The following SIPA1L3 variants were observed in gnomAD, a reference collection of about 807,000 sequenced individuals.
SIPA1L3 encodes the protein signal induced proliferation associated 1 like 3.
A neutral mutation model predicts 150.1 loss-of-function variants in SIPA1L3; 59 were observed. The observed-to-expected ratio is 0.39, with a 90% confidence interval of 0.32 to 0.49. The LOEUF is 0.49. Ranked by LOEUF, SIPA1L3 falls within the 20% of genes least tolerant of loss-of-function variation. The pLI is 0.86. For missense variants in SIPA1L3, 2,211 were observed against 2,489.5 expected (o/e 0.89, Z 2.38); for synonymous variants, 1,070 against 1,077.6 (o/e 0.99, Z 0.14).
chr19:37,914,636 C>CA, intron 1 of SIPA1L3, among the ~76,000 whole-genome samples: 1 of 152,064 alleles, frequency 6.6e-6, no homozygotes, highest in Non-Finnish European at 1.5e-5. Flanking sequence ...TTCAGCCTCC[C>CA]AAAGTGCTGG....
intron 2 of SIPA1L3, among the ~76,000 whole-genome samples, chr19:38,079,407 G>A (rs1055877692): frequency 6.6e-5 from 10 of 152,204 alleles, no homozygotes; most frequent in African/African-American, 2.4e-4. Flanking sequence ...ACATTTGAGT[G>A]GTGGACCTAG....
chr19:38,156,689 G>T (rs376756590), intron 13 of SIPA1L3, among the ~76,000 whole-genome samples: 1 of 152,012 alleles, frequency 6.6e-6, no homozygotes, highest in African/African-American at 2.4e-5. Flanking sequence ...GCTGGGTGTG[G>T]TGGCATGCAC....
At chr19:37,931,800 C>T (rs1323189187) in intron 1 of SIPA1L3, among the ~76,000 whole-genome samples, 1 of 152,022 alleles carries the variant, frequency 6.6e-6, no homozygotes, top group African/African-American at 2.4e-5. Context: ...AAAACTGGAA[C>T]CTTGGAGCTC....
chr19:38,206,369 G>C lies in SIPA1L3; in HGVS notation c.*129G>C, dbSNP rs774544542. On this transcript the variant is annotated 3_prime_UTR_variant, in exon 22 of 22. Coordinates refer to ENST00000222345, the MANE Select transcript of SIPA1L3 (RefSeq NM_015073.3). The stretch of plus-strand genomic sequence containing the variant: ...CATCCAGGGCCCTCCCCATGGACAC[G>C]GAAACTCCGATGGCCTCACTAGGGC... 38 of 1,138,498 alleles carry C rather than the reference G, an allele frequency of 3.3e-5. No homozygotes were observed. The Middle Eastern group carries it at 1.6e-3, about 47-fold the overall frequency. 70.5% of individuals were successfully genotyped at this position (1,138,498 alleles called of 1,614,324 possible).
rs528140802 is a variant in SIPA1L3, at chr19:38,053,048, A to G, written c.-311+23892A>G. Among the ~76,000 whole-genome samples the G allele has an allele frequency of 5.9e-4, 90 of 152,370 alleles. 1 individual carries two copies. Among genetic ancestry groups the G allele is most frequent in the African/African-American group, 1.6e-3 (68 of 41,588 alleles). Reference sequence around the variant, plus strand: ...GTGCCACTGAGCAGCCCAAGCTGGCATTGAGCGGGCAGCTCTGTACTCAGC... The same window carrying G: ...GTGCCACTGAGCAGCCCAAGCTGGCGTTGAGCGGGCAGCTCTGTACTCAGC... On this transcript the variant is annotated intron_variant, in intron 2 of 21. Coordinates refer to ENST00000222345, the MANE Select transcript of SIPA1L3 (RefSeq NM_015073.3).
At chr19:38,140,804 T>TC (rs965426867) in intron 10 of SIPA1L3, among the ~76,000 whole-genome samples, 1 of 152,018 alleles carries the variant, frequency 6.6e-6, no homozygotes, top group African/African-American at 2.4e-5. Context: ...ACTCCTATAA[T>TC]CCCAGCATTT....
chr19:38,051,660 G>A (rs538828452), intron 2 of SIPA1L3, among the ~76,000 whole-genome samples: 15 of 152,220 alleles, frequency 9.9e-5, no homozygotes, highest in African/African-American at 2.9e-4. Context: ...GCAGTGGCTC[G>A]ATCTTAGCTC....
At chr19:38,119,218 C>T (rs967919951) in intron 8 of SIPA1L3, 88 bp from the exon 9 acceptor site, 1 of 1,279,958 alleles carries the variant, frequency 7.8e-7, no homozygotes, top group African/African-American at 1.5e-5. Flanking sequence ...AACAAAAAAC[C>T]CTATTCCTAT....
chr19:38,131,315 T>A (rs1473870177), intron 10 of SIPA1L3, among the ~76,000 whole-genome samples: 3 of 152,156 alleles, frequency 2.0e-5, no homozygotes, highest in African/African-American at 7.2e-5. Flanking sequence ...GAGAGCTGCT[T>A]ACAAGGCGGG....
In SIPA1L3 at chr19:37,931,500, A is replaced by G. The variant is rs186298512; in HGVS notation, c.-379+24142A>G. 6.6e-3 allele frequency among the ~76,000 whole-genome samples: 1,006 copies of G among 151,824 alleles called. 3 individuals are homozygous for G. The highest frequency in any genetic ancestry group is 8.1e-3 in the Non-Finnish European group (550 of 67,908). On this transcript the variant is annotated intron_variant, in intron 1 of 21. Transcript: ENST00000222345. ...GGTGGCTCATGCCTGTAATCCCAGCACTTTGGGAGACCAAGTCAGGTGGAC... is the reference window on the plus strand; with the variant it reads ...GGTGGCTCATGCCTGTAATCCCAGCGCTTTGGGAGACCAAGTCAGGTGGAC...
At position 38,114,353 on chromosome 19, in the gene SIPA1L3, G is replaced by A. The variant is rs192088421; in HGVS notation, c.2291+3969G>A. Among the ~76,000 whole-genome samples the A allele has an allele frequency of 2.6e-3, 401 of 151,480 alleles. 2 individuals carry two copies. The highest frequency in any genetic ancestry group is 4.4e-3 in the Non-Finnish European group (300 of 67,918). On this transcript the variant is annotated intron_variant, in intron 8 of 21. Coordinates refer to ENST00000222345, the MANE Select transcript of SIPA1L3 (RefSeq NM_015073.3). ...CAGGAGAATCGCTTGAACCCAGGAGGTAGAGGTTGCAGTGAGCCGAGATCA... is the reference window on the plus strand; with the variant it reads ...CAGGAGAATCGCTTGAACCCAGGAGATAGAGGTTGCAGTGAGCCGAGATCA...
intron 4 of SIPA1L3, among the ~76,000 whole-genome samples, chr19:38,091,637 G>A (rs867672401): frequency 1.4e-4 from 22 of 152,206 alleles, no homozygotes; most frequent in Admixed American, 1.2e-3. Flanking sequence ...GTGCCTGCCT[G>A]TGTTCTGGCC....
Position 38,130,776 on chromosome 19 carries a change from A to T in SIPA1L3, c.3143+4A>T. 1 of 1,595,406 alleles carries T rather than the reference A, an allele frequency of 6.3e-7. No homozygotes were observed. Among genetic ancestry groups the T allele is most frequent in the Non-Finnish European group, 8.6e-7 (1 of 1,167,192 alleles). On this transcript the variant is annotated splice_donor_region_variant and intron_variant, in intron 10 of 21. Transcript: ENST00000222345. ...TTGAGGACGGCACTCCCCGGAGGTA[A>T]GGGCCTCCACCTTTCAGCCAGGTGG...
At chr19:38,092,153 G>A (rs954423945) in intron 4 of SIPA1L3, among the ~76,000 whole-genome samples, 4 of 151,818 alleles carry the variant, frequency 2.6e-5, no homozygotes, top group Non-Finnish European at 4.4e-5. Context: ...AGGTTAAGAC[G>A]GAAGGATTGC....
Position 38,081,927 on chromosome 19 carries a change from A to T in SIPA1L3, c.362A>T (p.Gln121Leu). The T allele has an allele frequency of 6.2e-7, 1 of 1,614,154 alleles. No homozygotes were observed. Among genetic ancestry groups the T allele is most frequent in the Non-Finnish European group, 8.5e-7 (1 of 1,179,994 alleles). ...ATGGCCCATTCCATGAGGAGCATAC[A>T]GAACGGACAGCCCCCCACCAGCACC... ...TKMAHSMRSI[Q>L]NGQPPTSTPA... The change falls in exon 3 of 22, where the codon CAG becomes CTG. Residue 121 changes from glutamine (Q) to leucine (L), a missense_variant. Coordinates refer to ENST00000222345, the MANE Select transcript of SIPA1L3 (RefSeq NM_015073.3).
chr19:38,174,058 A>T, intron 15 of SIPA1L3, among the ~76,000 whole-genome samples: 1 of 152,128 alleles, frequency 6.6e-6, no homozygotes, highest in East Asian at 1.9e-4. Context: ...ACATGTTCCC[A>T]GGATCTCTCT....
At chr19:37,918,734 G>C (rs974119702) in intron 1 of SIPA1L3, among the ~76,000 whole-genome samples, 1 of 151,918 alleles carries the variant, frequency 6.6e-6, no homozygotes, top group African/African-American at 2.4e-5. Context: ...AGCCAGGCAT[G>C]GTGGTGGGCA....
rs139042884 is a variant in SIPA1L3 at position 38,107,219 on chromosome 19, T to C, written c.2133+579T>C. 2.7e-3 allele frequency among the ~76,000 whole-genome samples: 418 copies of C among 152,330 alleles called. 2 individuals carry two copies. Among genetic ancestry groups the C allele is most frequent in the African/African-American group, 9.6e-3 (401 of 41,582 alleles). On this transcript the variant is annotated intron_variant, in intron 7 of 21. Transcript: ENST00000222345. ...GAAAGAGTGCTGTTTTTTCCAGTTG[T>C]CCCAGAAGTGTTTCAGAGCTGAGTC...
chr19:38,070,592 A>T (rs775338322), intron 2 of SIPA1L3, among the ~76,000 whole-genome samples: 18 of 152,226 alleles, frequency 1.2e-4, no homozygotes, highest in Non-Finnish European at 2.1e-4. Context: ...TGAGTTATAC[A>T]TGACTGGGAA....
Sources: gnomAD v4.1 joint callset for allele counts (sites outside exome capture counted in the v4.1 genomes callset) on GRCh38, gnomAD v4.1.1 for gene constraint, MANE v1.5 for transcripts, NCBI Gene and HGNC (gene_info 2026-07-23, HGNC 2026-07-21) for gene names.